PTPRG: variants seen among roughly 807,000 people sequenced by gnomAD.
PTPRG encodes protein tyrosine phosphatase receptor type G, also known as receptor-type tyrosine-protein phosphatase gamma.
In PTPRG, 102 loss-of-function variants were observed where a neutral mutation model predicts 165.3. The ratio of observed to expected loss-of-function variants is 0.62; its 90% CI spans 0.53 to 0.73. The LOEUF (loss-of-function observed/expected upper bound fraction) is 0.73. Among genes scored for constraint, PTPRG ranks in the 30% least tolerant of loss-of-function variants. The probability of loss-of-function intolerance (pLI) is 0.00; values close to 1 mark genes in which losing one functional copy is unlikely to be tolerated. For missense variants in PTPRG, 1,866 were observed against 1,861.4 expected (o/e 1.00, Z -0.05); for synonymous variants, 675 against 669.5 (o/e 1.01, Z -0.13).
chr3:61,636,563 C>A (rs1358233919), intron 1 of PTPRG, among the ~76,000 whole-genome samples: 1 of 152,214 alleles, frequency 6.6e-6, no homozygotes, highest in Non-Finnish European at 1.5e-5. Flanking sequence ...CTCAAGTGAT[C>A]TGCCTGCCTT....
intron 2 of PTPRG, among the ~76,000 whole-genome samples, chr3:61,857,014 A>G (rs1269950437): frequency 6.6e-6 from 1 of 152,108 alleles, no homozygotes; most frequent in Non-Finnish European, 1.5e-5. Flanking sequence ...AAGAAAAAAA[A>G]TGCCCTTTAT....
chr3:61,588,261 G>A (rs994108727), intron 1 of PTPRG, among the ~76,000 whole-genome samples: 1 of 152,078 alleles, frequency 6.6e-6, no homozygotes, highest in East Asian at 1.9e-4. Context: ...TACTCTTACT[G>A]CAGGGAGAAA....
intron 2 of PTPRG, among the ~76,000 whole-genome samples, chr3:61,909,849 C>T (rs940720079): frequency 2.6e-5 from 4 of 152,102 alleles, no homozygotes; most frequent in African/African-American, 4.8e-5. Flanking sequence ...AGATTTTTAT[C>T]GCTGATAAAT....
intron 8 of PTPRG, among the ~76,000 whole-genome samples, chr3:62,169,633 A>T (rs938043507): frequency 1.1e-4 from 17 of 152,104 alleles, no homozygotes; most frequent in African/African-American, 1.7e-4. Flanking sequence ...TCAAAGCCCT[A>T]TTACTTGGAA....
intron 2 of PTPRG, among the ~76,000 whole-genome samples, chr3:61,933,756 C>T (rs1287461371): frequency 2.0e-5 from 3 of 152,188 alleles, no homozygotes. Flanking sequence ...CTGTATCTCA[C>T]CAGTAGCCAT....
chr3:61,614,435 T>TTTTG (rs4019827), intron 1 of PTPRG, among the ~76,000 whole-genome samples: 1 of 149,666 alleles, frequency 6.7e-6, no homozygotes, highest in Non-Finnish European at 1.5e-5. Context: ...TTTTTTTTTT[T>TTTTG]GAGACAGGAT....
chr3:61,994,392 A>G (rs759816270), intron 3 of PTPRG, among the ~76,000 whole-genome samples: 38 of 152,214 alleles, frequency 2.5e-4, no homozygotes, highest in Non-Finnish European at 3.1e-4. Context: ...ACCACAAGGC[A>G]TGCTACTTTC....
intron 6 of PTPRG, among the ~76,000 whole-genome samples, chr3:62,148,830 C>T (rs1179684873): frequency 6.6e-6 from 1 of 152,052 alleles, no homozygotes; most frequent in Non-Finnish European, 1.5e-5. Flanking sequence ...ATTTCCTCAC[C>T]TGATCCTGCA....
intron 2 of PTPRG, among the ~76,000 whole-genome samples, chr3:61,939,511 A>G (rs1240740039): frequency 1.3e-5 from 2 of 152,240 alleles, no homozygotes; most frequent in East Asian, 1.9e-4. Flanking sequence ...TGAAGATTTT[A>G]TAAGATTGTT....
Position 62,140,942 on chromosome 3 carries a change from TTCTC to T in PTPRG, c.682+8276_682+8279del, listed in dbSNP as rs1442444418. 4.6e-5 allele frequency among the ~76,000 whole-genome samples: 7 copies of T among 152,110 alleles called. No homozygotes were observed. In the East Asian group the frequency reaches 1.4e-3, roughly 29 times the overall value. The stretch of plus-strand genomic sequence containing the variant: ...AAATTTTCTTGGGTAATAAAAATCT[TTCTC>T]TATCTTGATCTAGAGGATGATTGCC... On this transcript the variant is annotated intron_variant, in intron 6 of 29. Coordinates refer to ENST00000474889, the MANE Select transcript of PTPRG (RefSeq NM_002841.4).
At chr3:62,100,425 C>A (rs945003307) in intron 5 of PTPRG, among the ~76,000 whole-genome samples, 4 of 151,990 alleles carry the variant, frequency 2.6e-5, no homozygotes, top group African/African-American at 9.7e-5. Context: ...TTCCTTGTGG[C>A]CGAATGAAAA....
Position 61,735,453 on chromosome 3 carries a change from G to T in PTPRG, c.86-13425G>T, listed in dbSNP as rs185061856. ...TAATAAAAATGGAGATAACAAAAAT[G>T]AACCTGTAGCCCTGGGATATTCTGA... On this transcript the variant is annotated intron_variant, in intron 1 of 29. Transcript: ENST00000474889. 1.8e-3 allele frequency among the ~76,000 whole-genome samples: 278 copies of T among 151,558 alleles called. 1 individual carries two copies. Among genetic ancestry groups the T allele is most frequent in the African/African-American group, 6.5e-3 (267 of 41,366 alleles).
intron 4 of PTPRG, among the ~76,000 whole-genome samples, chr3:62,038,777 AT>A (rs142255211): frequency 0.013 from 1,960 of 150,756 alleles, 44 homozygotes; most frequent in African/African-American, 0.043. Flanking sequence ...ATATAGAGAG[AT>A]TTTTTTTTTC....
chr3:61,875,975 A>G (rs768755611), intron 2 of PTPRG, among the ~76,000 whole-genome samples: 2 of 152,186 alleles, frequency 1.3e-5, no homozygotes, highest in Admixed American at 6.5e-5. Flanking sequence ...CTTAGTCATG[A>G]TTGACTAAAG....
intron 2 of PTPRG, among the ~76,000 whole-genome samples, chr3:61,874,713 C>T (rs1373541029): frequency 1.3e-5 from 2 of 152,078 alleles, no homozygotes; most frequent in Non-Finnish European, 2.9e-5. Flanking sequence ...GGGAGGAGTC[C>T]AGGGACGCCA....
chr3:61,895,718 A>G (rs2038336929), intron 2 of PTPRG, among the ~76,000 whole-genome samples: 1 of 152,188 alleles, frequency 6.6e-6, no homozygotes, highest in Non-Finnish European at 1.5e-5. Context: ...ACAAGTGATA[A>G]AAAATGAAGT....
At chr3:61,771,315 G>A (rs903729185) in intron 2 of PTPRG, 2 of 151,928 alleles carry the variant, frequency 1.3e-5, no homozygotes, top group Admixed American at 6.6e-5. Context: ...GCACCAAAGA[G>A]GAGAGAAACG....
At chr3:61,889,455 G>A (rs2038146196) in intron 2 of PTPRG, among the ~76,000 whole-genome samples, 1 of 152,154 alleles carries the variant, frequency 6.6e-6, no homozygotes, top group Non-Finnish European at 1.5e-5. Flanking sequence ...ACTTGTACAT[G>A]TCTAACTTGA....
intron 3 of PTPRG, 86 bp downstream of exon 3, chr3:61,989,890 C>A (rs1018396310): frequency 6.9e-7 from 1 of 1,443,544 alleles, no homozygotes; most frequent in East Asian, 2.4e-5. Context: ...ATGACTTGCT[C>A]CTTAAATAGT....
Sources: gnomAD v4.1 joint callset for allele counts (sites outside exome capture counted in the v4.1 genomes callset) on GRCh38, gnomAD v4.1.1 for gene constraint, MANE v1.5 for transcripts, NCBI Gene and HGNC (gene_info 2026-07-23, HGNC 2026-07-21) for gene names.